INPP4B: variants seen among roughly 807,000 people sequenced by gnomAD.
The protein encoded by INPP4B is inositol polyphosphate 4-phosphatase type II.
INPP4B carries 55 observed loss-of-function variants against 122.5 expected under a neutral mutation model. The observed-to-expected ratio is 0.45, with a 90% CI of 0.36 to 0.56. INPP4B has a LOEUF of 0.56. Among genes scored for constraint, INPP4B ranks in the 20% least tolerant of loss-of-function variants. INPP4B has a pLI of 0.00. For missense variants in INPP4B, 1,000 were observed against 1,097.7 expected, an observed-to-expected ratio of 0.91 and a Z score of 1.26; for synonymous variants, 403 against 388.7, an observed-to-expected ratio of 1.04 and a Z score of -0.43.
At chr4:142,241,813 G>A (rs1057189145) in intron 11 of INPP4B, among the ~76,000 whole-genome samples, 1 of 152,006 alleles carries the variant, frequency 6.6e-6, no homozygotes, top group Non-Finnish European at 1.5e-5. Flanking sequence ...AGGGTCCAGG[G>A]GATAATCAAA....
intron 2 of INPP4B, among the ~76,000 whole-genome samples, chr4:142,599,597 A>G (rs770468866): frequency 6.6e-6 from 1 of 152,172 alleles, no homozygotes; most frequent in Non-Finnish European, 1.5e-5. Flanking sequence ...CACAGACAGC[A>G]ACATAAAGAC....
intron 2 of INPP4B, 131 bp downstream of exon 2, chr4:142,725,708 T>G (rs1765261159): frequency 2.6e-6 from 1 of 388,018 alleles, no homozygotes; most frequent in South Asian, 1.4e-4. Context: ...AGGCCTTCCC[T>G]TGGCTTTTCA....
At chr4:142,766,148 A>T (rs1772089557) in intron 1 of INPP4B, 1 of 152,098 alleles carries the variant, frequency 6.6e-6, no homozygotes, top group Non-Finnish European at 1.5e-5. Flanking sequence ...CATTATGTTA[A>T]ATTTTATTTA....
At chr4:142,545,709 G>GTGTGCATATACACATA (rs1553955901) in intron 2 of INPP4B, among the ~76,000 whole-genome samples, 3 of 107,062 alleles carry the variant, frequency 2.8e-5, no homozygotes, top group Non-Finnish European at 5.4e-5. Flanking sequence ...GTATATATAT[G>GTGTGCATATACACATA]TGTGTGTATA....
chr4:142,138,647 C>T (rs1225092179), intron 18 of INPP4B, among the ~76,000 whole-genome samples: 1 of 152,138 alleles, frequency 6.6e-6, no homozygotes, highest in Non-Finnish European at 1.5e-5. Context: ...TGCCCACTAG[C>T]TCTGTGATCT....
At chr4:142,584,294 T>A (rs1371225506) in intron 2 of INPP4B, among the ~76,000 whole-genome samples, 2 of 152,210 alleles carry the variant, frequency 1.3e-5, no homozygotes. Context: ...GCTCATATGT[T>A]ATAATTAGGA....
rs924476408 is a variant in INPP4B, at chr4:142,238,025, G to A, written c.689-14C>T. 3 of 1,340,068 alleles carry A rather than the reference G, an allele frequency of 2.2e-6. No individual in the cohort carries two copies. Among genetic ancestry groups the A allele is most frequent in the Admixed American group, 1.8e-5 (1 of 54,290 alleles). 83.0% of individuals were successfully genotyped at this position (1,340,068 alleles called of 1,614,324 possible). ...GGTTCTTTAACACTGGAAAAAAAAA[G>A]AAAAAATAATAGTTAAATTCTAAGC... On this transcript the variant is annotated splice_polypyrimidine_tract_variant and intron_variant, in intron 11 of 25. Transcript: ENST00000262992.
intron 12 of INPP4B, among the ~76,000 whole-genome samples, chr4:142,210,416 G>A (rs1193027003): frequency 1.3e-5 from 2 of 151,964 alleles, no homozygotes; most frequent in Admixed American, 1.3e-4. Context: ...AAACACTCAT[G>A]GGAGAAAAAG....
intron 15 of INPP4B, 81 bp from the exon 16 acceptor site, chr4:142,173,890 A>G (rs1826753720): frequency 9.3e-7 from 1 of 1,070,730 alleles, no homozygotes; most frequent in South Asian, 1.3e-5. Flanking sequence ...CAAATGATAA[A>G]CAGAACTCCA....
At chr4:142,287,678 G>A (rs1306594530) in intron 9 of INPP4B, 2 of 152,134 alleles carry the variant, frequency 1.3e-5, no homozygotes, top group Non-Finnish European at 2.9e-5. Context: ...TGTGGCAACA[G>A]TGATAATTTT....
intron 7 of INPP4B, among the ~76,000 whole-genome samples, chr4:142,337,205 A>T (rs1286527238): frequency 6.6e-6 from 1 of 151,650 alleles, no homozygotes; most frequent in African/African-American, 2.4e-5. Flanking sequence ...ACTACAATTT[A>T]TCCCTATTCC....
chr4:142,760,830 C>T (rs539371876), intron 1 of INPP4B, among the ~76,000 whole-genome samples: 1 of 152,250 alleles, frequency 6.6e-6, no homozygotes, highest in Admixed American at 6.5e-5. Context: ...TCTCTCTACT[C>T]TCAACCCTTC....
At chr4:142,571,687 T>G (rs1732861024) in intron 2 of INPP4B, among the ~76,000 whole-genome samples, 1 of 152,156 alleles carries the variant, frequency 6.6e-6, no homozygotes, top group African/African-American at 2.4e-5. Flanking sequence ...AATGAAAAAG[T>G]AAGTTTTGCT....
chr4:142,563,936 T>G (rs1731021918), intron 2 of INPP4B, among the ~76,000 whole-genome samples: 3 of 151,980 alleles, frequency 2.0e-5, no homozygotes, highest in Non-Finnish European at 4.4e-5. Flanking sequence ...TACACATGGG[T>G]TAGTCCAATT....
In INPP4B at chr4:142,029,153, T is replaced by A. The variant is rs1438634398; in HGVS notation, c.2643-239A>T. The A allele has an allele frequency of 3.3e-6, 4 of 1,199,450 alleles. No homozygotes were observed. The African/African-American group carries it at 6.3e-5, about 19-fold the overall frequency. 74.3% of individuals were successfully genotyped at this position (1,199,450 alleles called of 1,614,324 possible). ...CTCTTTACTCTTAACATTTAAAATT[T>A]AATAAACTCTTTAAATATAATTTGC... On this transcript the variant is annotated intron_variant, in intron 25 of 25. Transcript: ENST00000262992.
chr4:142,582,932 A>G (rs1014290467), intron 2 of INPP4B, among the ~76,000 whole-genome samples: 1 of 152,184 alleles, frequency 6.6e-6, no homozygotes, highest in Non-Finnish European at 1.5e-5. Context: ...TGCTCAACCA[A>G]TGTATAATTT....
intron 1 of INPP4B, among the ~76,000 whole-genome samples, chr4:142,797,591 C>G (rs946093696): frequency 6.6e-6 from 1 of 151,668 alleles, no homozygotes; most frequent in Non-Finnish European, 1.5e-5. Context: ...GAAAACAAAT[C>G]TAGACAAATT....
chr4:142,182,559 AC>A (rs67938237), intron 15 of INPP4B, among the ~76,000 whole-genome samples: 80,755 of 116,766 alleles, frequency 0.69, 34,305 homozygotes, highest in Non-Finnish European at 0.84. Flanking sequence ...AAAAAAAAAA[AC>A]AAACAAAAAA....
At chr4:142,357,593 A>T (rs1393889882) in intron 7 of INPP4B, among the ~76,000 whole-genome samples, 1 of 151,988 alleles carries the variant, frequency 6.6e-6, no homozygotes, top group Non-Finnish European at 1.5e-5. Context: ...CCTATAGATT[A>T]TGGGGAGAGG....
Sources: allele counts gnomAD v4.1 joint callset (sites outside exome capture counted in the v4.1 genomes callset), GRCh38; gene constraint gnomAD v4.1.1; transcripts MANE v1.5; gene names NCBI Gene and HGNC (gene_info 2026-07-23, HGNC 2026-07-21).